Variants in MTX2 observed in about 807,000 individuals in gnomAD.
MTX2 encodes metaxin 2.
Under a neutral mutation model 42.3 loss-of-function variants are expected in MTX2, and 35 were observed. The ratio of observed to expected loss-of-function variants is 0.83; its 90% CI spans 0.63 to 1.10. The LOEUF is 1.10. Ranked by LOEUF, MTX2 falls within the 50% of genes least tolerant of loss-of-function variation. MTX2 has a pLI of 0.00. For synonymous variants in MTX2, 119 were observed against 100.9 expected (o/e 1.18, Z -1.08); for missense variants, 307 against 304.1 (o/e 1.01, Z -0.07).
chr2:176,270,310 A>G, intron 1 of MTX2: 1 of 1,316,060 alleles, frequency 7.6e-7, no homozygotes. Context: ...AGTTGGGATT[A>G]CAGGCGCCCG....
intron 1 of MTX2, among the ~76,000 whole-genome samples, chr2:176,282,137 T>TG (rs1693094547): frequency 7.2e-6 from 1 of 138,876 alleles, no homozygotes; most frequent in African/African-American, 2.7e-5. Context: ...TTTTTTTTTT[T>TG]TTTTTTTTTT....
intron 1 of MTX2, chr2:176,270,560 A>G (rs896286972): frequency 2.4e-6 from 1 of 422,008 alleles, no homozygotes; most frequent in Non-Finnish European, 4.2e-6. Context: ...AGTGTTTTCA[A>G]CATGAGTACA....
Position 176,337,656 on chromosome 2 carries a change from C to A in MTX2, c.784C>A (p.Leu262Met). Residue 262 changes from leucine to methionine, a missense_variant, in exon 10 of 10, where the codon CTG becomes ATG. Physicochemically the swap from Leu to Met is conservative, Grantham distance 15. Coordinates refer to ENST00000249442, the MANE Select transcript of MTX2 (RefSeq NM_006554.5). Reference protein sequence around the residue: ...HYFEDRGKGRLS With the variant: ...HYFEDRGKGRMS ...TTTTGAAGATCGTGGTAAAGGCAGGCTGTCATAGAGTTATGTGTTAGTCTC... is the reference window on the plus strand; with the variant it reads ...TTTTGAAGATCGTGGTAAAGGCAGGATGTCATAGAGTTATGTGTTAGTCTC... 1 of 1,607,546 alleles carries A rather than the reference C, an allele frequency of 6.2e-7. No homozygotes were observed. Among genetic ancestry groups the A allele is most frequent in the Non-Finnish European group, 8.5e-7 (1 of 1,176,614 alleles).
Position 176,337,642 on chromosome 2 carries a change from G to T in MTX2, c.770G>T (p.Arg257Leu). The stretch of plus-strand genomic sequence containing the variant: ...ATTGAACAGCACTATTTTGAAGATC[G>T]TGGTAAAGGCAGGCTGTCATAGAGT... ...RRIEQHYFED[R>L]GKGRLS Residue 257 changes from arginine to leucine, a missense_variant, in exon 10 of 10, where the codon CGT (arginine) becomes CTT (leucine). Coordinates refer to ENST00000249442, the MANE Select transcript of MTX2 (RefSeq NM_006554.5). 2.5e-6 allele frequency: 4 copies of T among 1,609,478 alleles called. No individual in the cohort carries two copies. The highest frequency in any genetic ancestry group is 3.4e-6 in the Non-Finnish European group (4 of 1,177,812).
At chr2:176,283,118 A>G (rs1446492956) in intron 1 of MTX2, among the ~76,000 whole-genome samples, 1 of 152,194 alleles carries the variant, frequency 6.6e-6, no homozygotes. Flanking sequence ...TCACACAATA[A>G]GTTGTAGAAT....
intron 3 of MTX2, among the ~76,000 whole-genome samples, chr2:176,318,496 T>C (rs1311438741): frequency 6.6e-6 from 1 of 152,158 alleles, no homozygotes. Context: ...ATGGGTGCAG[T>C]TTTAATTCAT....
At chr2:176,299,791 C>T (rs549654705) in intron 3 of MTX2, among the ~76,000 whole-genome samples, 3 of 152,104 alleles carry the variant, frequency 2.0e-5, no homozygotes, top group African/African-American at 7.2e-5. Context: ...AACAATGTGA[C>T]AGGTATCCAC....
At chr2:176,285,808 T>TC (rs1239499864) in intron 1 of MTX2, among the ~76,000 whole-genome samples, 2 of 152,242 alleles carry the variant, frequency 1.3e-5, no homozygotes, top group Non-Finnish European at 2.9e-5. Flanking sequence ...TGGGTTGCTT[T>TC]CCTTTTTGAC....
chr2:176,272,586 TA>T (rs1327166227), intron 1 of MTX2, among the ~76,000 whole-genome samples: 1 of 152,178 alleles, frequency 6.6e-6, no homozygotes, highest in Non-Finnish European at 1.5e-5. Context: ...GTCACATTTT[TA>T]CAGATCCAAA....
intron 2 of MTX2, among the ~76,000 whole-genome samples, 161 bp downstream of exon 2, chr2:176,297,068 G>A (rs530525722): frequency 6.6e-6 from 1 of 152,278 alleles, no homozygotes; most frequent in African/African-American, 2.4e-5. Flanking sequence ...GTATCTGCCA[G>A]TGTAAACCAA....
At chr2:176,276,521 C>G (rs1261058913) in intron 1 of MTX2, among the ~76,000 whole-genome samples, 1 of 151,942 alleles carries the variant, frequency 6.6e-6, no homozygotes, top group African/African-American at 2.4e-5. Flanking sequence ...AAGCTCAACC[C>G]TGCTTCTTGT....
intron 9 of MTX2, 64 bp downstream of exon 9, chr2:176,330,724 C>T: frequency 9.1e-7 from 1 of 1,098,336 alleles, no homozygotes; most frequent in Non-Finnish European, 1.3e-6. Context: ...TTCTTTTTTT[C>T]ATAAAAGAAT....
At chr2:176,287,984 C>G (rs1477659086) in intron 1 of MTX2, among the ~76,000 whole-genome samples, 1 of 104,314 alleles carries the variant, frequency 9.6e-6, no homozygotes, top group African/African-American at 3.7e-5. Flanking sequence ...CTTACATAAA[C>G]ACTGATCTCT....
chr2:176,275,303 A>T (rs1002995349), intron 1 of MTX2, among the ~76,000 whole-genome samples: 1 of 151,908 alleles, frequency 6.6e-6, no homozygotes, highest in Non-Finnish European at 1.5e-5. Context: ...CAGTGGCACA[A>T]CCTTGGCTCA....
intron 1 of MTX2, among the ~76,000 whole-genome samples, chr2:176,274,363 G>T (rs1692896533): frequency 6.6e-6 from 1 of 151,760 alleles, no homozygotes; most frequent in African/African-American, 2.4e-5. Flanking sequence ...TCATATATTG[G>T]GATCTCTTTT....
intron 3 of MTX2, among the ~76,000 whole-genome samples, chr2:176,317,244 T>G (rs1424331409): frequency 1.3e-5 from 2 of 151,066 alleles, no homozygotes; most frequent in Non-Finnish European, 3.0e-5. Context: ...TCTCCCTCCC[T>G]CTCTCTACAC....
intron 1 of MTX2, among the ~76,000 whole-genome samples, chr2:176,283,258 C>G (rs1268791198): frequency 6.6e-6 from 1 of 152,116 alleles, no homozygotes; most frequent in Non-Finnish European, 1.5e-5. Flanking sequence ...CCTTTTTGTT[C>G]TTCACCTGCT....
At chr2:176,284,858 T>G (rs1693158197) in intron 1 of MTX2, among the ~76,000 whole-genome samples, 1 of 152,216 alleles carries the variant, frequency 6.6e-6, no homozygotes, top group South Asian at 2.1e-4. Context: ...TGTTGTGGTG[T>G]TCACAGACCA....
At chr2:176,313,552 C>T (rs1381221193) in intron 3 of MTX2, among the ~76,000 whole-genome samples, 1 of 151,930 alleles carries the variant, frequency 6.6e-6, no homozygotes, top group African/African-American at 2.4e-5. Context: ...ACCACCACCA[C>T]CCAGCTAATT....
Sources: gnomAD v4.1 joint callset for allele counts (sites outside exome capture counted in the v4.1 genomes callset) on GRCh38, gnomAD v4.1.1 for gene constraint, MANE v1.5 for transcripts, NCBI Gene and HGNC (gene_info 2026-07-23, HGNC 2026-07-21) for gene names.